Variants in ARHGAP15 observed in about 807,000 individuals in gnomAD.
ARHGAP15 encodes rho GTPase-activating protein 15.
ARHGAP15 carries 51 observed loss-of-function variants against 63.7 expected under a neutral mutation model. That is an observed-to-expected ratio of 0.80 (90% CI 0.64 to 1.01). ARHGAP15 has a LOEUF of 1.01. ARHGAP15 is among the 50% of genes least tolerant of loss of function. The pLI is 0.00. For synonymous variants in ARHGAP15, 191 were observed against 193.8 expected (o/e 0.99, Z 0.12); for missense variants, 560 against 564.6 (o/e 0.99, Z 0.08).
At chr2:143,268,570 A>C (rs1054721543) in intron 6 of ARHGAP15, among the ~76,000 whole-genome samples, 2 of 152,024 alleles carry the variant, frequency 1.3e-5, no homozygotes, top group African/African-American at 4.8e-5. Flanking sequence ...TCAAGGAAAA[A>C]CTCATTGTAC....
chr2:143,362,370 T>A (rs1182989895), intron 6 of ARHGAP15, among the ~76,000 whole-genome samples: 2 of 152,176 alleles, frequency 1.3e-5, no homozygotes, highest in African/African-American at 4.8e-5. Flanking sequence ...AATACCTTCT[T>A]CTCTGGGCTT....
intron 2 of ARHGAP15, among the ~76,000 whole-genome samples, chr2:143,165,960 G>GAA (rs1690489336): frequency 7.9e-4 from 74 of 93,644 alleles, no homozygotes; most frequent in African/African-American, 3.0e-3. Flanking sequence ...GAAAGAAAGA[G>GAA]AGAAAGAAAG....
chr2:143,466,384 G>A (rs1362242905), intron 8 of ARHGAP15, among the ~76,000 whole-genome samples: 1 of 150,384 alleles, frequency 6.6e-6, no homozygotes, highest in Non-Finnish European at 1.5e-5. Context: ...GGAAAAGACA[G>A]CTTGGGTTGA....
intron 12 of ARHGAP15, among the ~76,000 whole-genome samples, chr2:143,695,710 A>C (rs1032830328): frequency 1.1e-4 from 16 of 152,110 alleles, no homozygotes; most frequent in Non-Finnish European, 1.8e-4. Flanking sequence ...TCTACAAAAA[A>C]TACAAAAACT....
intron 6 of ARHGAP15, among the ~76,000 whole-genome samples, chr2:143,363,106 A>C (rs1193404227): frequency 2.0e-5 from 3 of 152,072 alleles, no homozygotes; most frequent in African/African-American, 7.2e-5. Context: ...GCATCATTCA[A>C]CCTCCTCCAA....
chr2:143,495,411 T>G (rs534142409), intron 9 of ARHGAP15, among the ~76,000 whole-genome samples: 4 of 152,324 alleles, frequency 2.6e-5, no homozygotes, highest in Admixed American at 2.6e-4. Flanking sequence ...TTTCTCTTTT[T>G]GGTAATTTTA....
intron 5 of ARHGAP15, among the ~76,000 whole-genome samples, chr2:143,231,731 C>T (rs1408140326): frequency 1.3e-5 from 2 of 152,206 alleles, no homozygotes; most frequent in Non-Finnish European, 2.9e-5. Context: ...AAACCACACA[C>T]ATTTATTTCT....
intron 5 of ARHGAP15, among the ~76,000 whole-genome samples, chr2:143,248,141 A>C (rs1407948991): frequency 6.6e-6 from 1 of 152,200 alleles, no homozygotes; most frequent in Non-Finnish European, 1.5e-5. Context: ...GGAGGGCTGC[A>C]GTGAAATTAA....
At chr2:143,230,549 A>G (rs10195682) in intron 5 of ARHGAP15, among the ~76,000 whole-genome samples, 25,980 of 152,110 alleles carry the variant, frequency 0.17, 2,350 homozygotes, top group East Asian at 0.31. Flanking sequence ...TAATGCTCTT[A>G]TGGTTTCTAC....
At chr2:143,662,002 C>A (rs1289766576) in intron 12 of ARHGAP15, among the ~76,000 whole-genome samples, 3 of 152,242 alleles carry the variant, frequency 2.0e-5, no homozygotes, top group African/African-American at 2.4e-5. Context: ...GAGGGGCGCC[C>A]GCCATTGCCC....
chr2:143,602,779 A>G (rs974289117), intron 11 of ARHGAP15, among the ~76,000 whole-genome samples: 7 of 152,194 alleles, frequency 4.6e-5, no homozygotes, highest in African/African-American at 1.7e-4. Context: ...AAGTATTAAT[A>G]CATAAATTAG....
chr2:143,338,082 C>T (rs1046773380), intron 6 of ARHGAP15, among the ~76,000 whole-genome samples: 1 of 152,158 alleles, frequency 6.6e-6, no homozygotes, highest in Non-Finnish European at 1.5e-5. Flanking sequence ...CTTATATGTT[C>T]TATCTCATTT....
intron 6 of ARHGAP15, among the ~76,000 whole-genome samples, chr2:143,428,279 G>T (rs1245490292): frequency 6.6e-6 from 1 of 152,008 alleles, no homozygotes; most frequent in African/African-American, 2.4e-5. Context: ...AAAAAAATCA[G>T]TATGGCTGGA....
At chr2:143,235,866 A>G in intron 5 of ARHGAP15, 1 of 1,448,578 alleles carries the variant, frequency 6.9e-7, no homozygotes, top group Non-Finnish European at 9.2e-7. Context: ...CTATTTTAGT[A>G]TCAGTGAAGT....
chr2:143,205,590 T>C (rs2105121646), intron 3 of ARHGAP15, among the ~76,000 whole-genome samples: 1 of 152,246 alleles, frequency 6.6e-6, no homozygotes, highest in East Asian at 1.9e-4. Flanking sequence ...CACAGGTCTA[T>C]GCTTGTAACC....
chr2:143,717,675 G>T (rs1684868564), intron 13 of ARHGAP15, among the ~76,000 whole-genome samples: 1 of 152,188 alleles, frequency 6.6e-6, no homozygotes, highest in African/African-American at 2.4e-5. Context: ...AGACATGAAA[G>T]TGTTCTTGAC....
At chr2:143,181,383 C>T (rs1691229846) in intron 2 of ARHGAP15, among the ~76,000 whole-genome samples, 2 of 152,180 alleles carry the variant, frequency 1.3e-5, no homozygotes, top group Non-Finnish European at 2.9e-5. Flanking sequence ...TGAAACCAGG[C>T]ATTGACTTTT....
At chr2:143,701,471 T>C (rs1232896163) in intron 12 of ARHGAP15, among the ~76,000 whole-genome samples, 1 of 152,178 alleles carries the variant, frequency 6.6e-6, no homozygotes, top group East Asian at 1.9e-4. Context: ...TGGTGGCTTA[T>C]ACCTGTAATG....
chr2:143,568,268 C>T (rs1340749941), intron 11 of ARHGAP15, among the ~76,000 whole-genome samples: 2 of 151,928 alleles, frequency 1.3e-5, no homozygotes, highest in South Asian at 2.1e-4. Flanking sequence ...TGCAATCTAC[C>T]CATCTGACAA....
Sources: gnomAD v4.1 joint callset for allele counts (sites outside exome capture counted in the v4.1 genomes callset) on GRCh38, gnomAD v4.1.1 for gene constraint, MANE v1.5 for transcripts, NCBI Gene and HGNC (gene_info 2026-07-23, HGNC 2026-07-21) for gene names.